Variants in DAB1 observed in about 807,000 individuals in gnomAD.
The protein encoded by DAB1 is DAB adaptor protein 1.
A neutral mutation model predicts 64.6 loss-of-function variants in DAB1; 15 were observed. The ratio of observed to expected loss-of-function variants is 0.23; its 90% CI spans 0.16 to 0.36. DAB1 has a LOEUF of 0.36. DAB1 is among the 10% of genes least tolerant of loss of function. The pLI is 1.00. For synonymous variants in DAB1, 235 were observed against 251.9 expected (o/e 0.93, Z 0.64); for missense variants, 596 against 706.7 (o/e 0.84, Z 1.78).
At chr1:57,388,991 C>G (rs545496966) in intron 1 of DAB1, among the ~76,000 whole-genome samples, 1 of 152,322 alleles carries the variant, frequency 6.6e-6, no homozygotes, top group East Asian at 1.9e-4. Context: ...TTAGGTTATT[C>G]TTTTAGAAGG....
intron 5 of DAB1, among the ~76,000 whole-genome samples, chr1:57,958,008 G>A (rs763573087): frequency 4.0e-5 from 6 of 150,766 alleles, no homozygotes; most frequent in South Asian, 2.1e-4. Context: ...TTTTTTAGGC[G>A]GAGTCTAACT....
At chr1:57,804,462 G>A (rs1488578313) in intron 6 of DAB1, among the ~76,000 whole-genome samples, 3 of 152,228 alleles carry the variant, frequency 2.0e-5, no homozygotes, top group Non-Finnish European at 2.9e-5. Flanking sequence ...GAAGCACACT[G>A]GGTTGAGCCT....
At chr1:57,595,423 A>G (rs1645496533) in intron 7 of DAB1, among the ~76,000 whole-genome samples, 1 of 152,150 alleles carries the variant, frequency 6.6e-6, no homozygotes, top group African/African-American at 2.4e-5. Flanking sequence ...AAAGAAAGGA[A>G]AGTGAGCACC....
At chr1:58,207,882 G>A (rs904281029) in intron 4 of DAB1, among the ~76,000 whole-genome samples, 3 of 152,156 alleles carry the variant, frequency 2.0e-5, no homozygotes, top group Admixed American at 1.3e-4. Flanking sequence ...CTGCTAGAAG[G>A]ACATACCTGA....
intron 4 of DAB1, among the ~76,000 whole-genome samples, chr1:58,192,540 T>G (rs1657442870): frequency 6.6e-6 from 1 of 152,224 alleles, no homozygotes; most frequent in South Asian, 2.1e-4. Flanking sequence ...TCCTGAGTTA[T>G]TTCACTTAGG....
chr1:57,486,316 G>C (rs1644091137), intron 7 of DAB1, among the ~76,000 whole-genome samples: 2 of 152,144 alleles, frequency 1.3e-5, no homozygotes, highest in African/African-American at 4.8e-5. Flanking sequence ...TCTTCAGAGT[G>C]CCTCTTCTAG....
intron 4 of DAB1, among the ~76,000 whole-genome samples, chr1:57,129,697 T>C (rs1657479108): frequency 6.6e-6 from 1 of 152,142 alleles, no homozygotes; most frequent in African/African-American, 2.4e-5. Context: ...TTCAGATCTC[T>C]TCATTCGCAA....
intron 6 of DAB1, among the ~76,000 whole-genome samples, chr1:57,668,560 T>C (rs1646474754): frequency 6.6e-6 from 1 of 151,938 alleles, no homozygotes; most frequent in South Asian, 2.1e-4. Context: ...AGTGGGGGAG[T>C]GAGCAGGAAA....
At chr1:57,892,944 T>C (rs966804770) in intron 5 of DAB1, among the ~76,000 whole-genome samples, 1 of 151,934 alleles carries the variant, frequency 6.6e-6, no homozygotes, top group Non-Finnish European at 1.5e-5. Context: ...TTAATTAGCA[T>C]CAGAATCATC....
chr1:57,859,667 T>C (rs1486835008), intron 1 of DAB1, among the ~76,000 whole-genome samples: 1 of 152,212 alleles, frequency 6.6e-6, no homozygotes, highest in East Asian at 1.9e-4. Flanking sequence ...CTAACTAGTT[T>C]AACTACATTC....
At position 58,231,043 on chromosome 1, in the gene DAB1, C is replaced by T. The variant is rs570094248; in HGVS notation, n.310-80455G>A. Among the ~76,000 whole-genome samples, 50 of 152,156 alleles carry T rather than the reference C, an allele frequency of 3.3e-4. 1 individual carries two copies. The highest frequency in any genetic ancestry group is 6.8e-4 in the Non-Finnish European group (46 of 68,030). On this transcript the variant is annotated intron_variant and non_coding_transcript_variant, in intron 4 of 20. Transcript: ENST00000485760. ...CTTTGCAATGGGGACGATTATAGTG[C>T]CAACTTCATAAGATTATTGTGAGGA...
intron 1 of DAB1, among the ~76,000 whole-genome samples, chr1:58,544,646 G>A (rs550420620): frequency 1.7e-3 from 266 of 152,268 alleles, no homozygotes; most frequent in African/African-American, 6.1e-3. Flanking sequence ...CCAGGCTGGA[G>A]TGCAGTGGTG....
chr1:57,191,997 T>A (rs1160895698), intron 2 of DAB1, among the ~76,000 whole-genome samples: 1 of 151,990 alleles, frequency 6.6e-6, no homozygotes, highest in African/African-American at 2.4e-5. Context: ...GCTCTTAGGG[T>A]CACACAAGCA....
intron 7 of DAB1, among the ~76,000 whole-genome samples, chr1:57,470,020 T>C (rs1050893471): frequency 2.6e-5 from 4 of 152,212 alleles, no homozygotes; most frequent in African/African-American, 7.2e-5. Flanking sequence ...TAGGCTAAAC[T>C]AATAAGATAA....
chr1:57,977,856 A>G (rs1645958987), intron 5 of DAB1, among the ~76,000 whole-genome samples: 1 of 152,152 alleles, frequency 6.6e-6, no homozygotes, highest in Non-Finnish European at 1.5e-5. Context: ...ACAACTTACA[A>G]GGAATATGAA....
chr1:57,564,071 A>G (rs936621695), intron 7 of DAB1, among the ~76,000 whole-genome samples: 2 of 152,142 alleles, frequency 1.3e-5, no homozygotes, highest in Non-Finnish European at 2.9e-5. Context: ...ATGGCTGGGT[A>G]CCCCTCTGAG....
intron 2 of DAB1, among the ~76,000 whole-genome samples, chr1:57,159,259 CA>C (rs1303637184): frequency 6.6e-6 from 1 of 151,718 alleles, no homozygotes; most frequent in Non-Finnish European, 1.5e-5. Context: ...TTCTTAATAA[CA>C]AAAGAAAATG....
At chr1:57,400,822 C>T (rs1451951371) in intron 1 of DAB1, among the ~76,000 whole-genome samples, 4 of 151,974 alleles carry the variant, frequency 2.6e-5, no homozygotes, top group African/African-American at 9.7e-5. Context: ...GGATTTATTC[C>T]GTCTCAGGCA....
chr1:57,962,925 A>T (rs1027214945), intron 5 of DAB1, among the ~76,000 whole-genome samples: 4 of 151,936 alleles, frequency 2.6e-5, no homozygotes, highest in Non-Finnish European at 5.9e-5. Context: ...CACTTTTAAA[A>T]TTTTTTACTT....
Sources: gnomAD v4.1 joint callset for allele counts (sites outside exome capture counted in the v4.1 genomes callset) on GRCh38, gnomAD v4.1.1 for gene constraint, MANE v1.5 for transcripts, NCBI Gene and HGNC (gene_info 2026-07-23, HGNC 2026-07-21) for gene names.